The following RPS3 variants were observed in gnomAD, a reference collection of about 807,000 sequenced individuals.
The protein encoded by RPS3 is ribosomal protein S3, also known as small ribosomal subunit protein uS3.
A neutral mutation model predicts 25.8 loss-of-function variants in RPS3; 2 were observed. The observed-to-expected ratio is 0.08, with a 90% CI of 0.03 to 0.24. The LOEUF is 0.24. Ranked by LOEUF, RPS3 falls within the 10% of genes least tolerant of loss-of-function variation. The probability of loss-of-function intolerance (pLI) is 1.00; values close to 1 mark genes in which losing one functional copy is unlikely to be tolerated. For missense variants in RPS3, 107 were observed against 307.1 expected, an observed-to-expected ratio of 0.35 and a Z score of 4.87; for synonymous variants, 114 against 114.2, an observed-to-expected ratio of 1.00 and a Z score of 0.01.
rs781721862 is a variant in RPS3, at chr11:75,401,692, G to A, written c.214G>A (p.Val72Ile). 6.2e-7 allele frequency: 1 copy of A among 1,613,476 alleles called. No homozygotes were observed. The highest frequency in any genetic ancestry group is 2.2e-5 in the East Asian group (1 of 44,888). Residue 72 changes from valine to isoleucine, a missense_variant, in exon 3 of 7, where the codon GTA becomes ATA. Transcript: ENST00000531188. Reference protein sequence around the residue: ...KGRRIRELTAVVQKRFGFPEG... With the variant: ...KGRRIRELTAIVQKRFGFPEG... Reference sequence around the variant, plus strand: ...CCGGCGGATTCGGGAACTGACTGCTGTAGTTCAGAAGAGGTTTGGCTTTCC... The same window carrying A: ...CCGGCGGATTCGGGAACTGACTGCTATAGTTCAGAAGAGGTTTGGCTTTCC...
Position 75,404,884 on chromosome 11 carries a change from C to G in RPS3, c.*3+16C>G, listed in dbSNP as rs773904943. 6.4e-7 allele frequency: 1 copy of G among 1,550,584 alleles called. No individual in the cohort carries two copies. The stretch of plus-strand genomic sequence containing the variant: ...AGCATAACAGGTATGTCTGCAAGGG[C>G]AGGGGCCTCTTGGGGCATAATAGGG... On this transcript the variant is annotated intron_variant, in intron 6 of 6. Transcript: ENST00000531188. This position sits in a 1 kb window ranked among gnomAD's most constrained non-coding sequence, Gnocchi z 4.6.
At chr11:75,419,201 C>G (rs1368337944) in intron 6 of RPS3, among the ~76,000 whole-genome samples, 1 of 152,144 alleles carries the variant, frequency 6.6e-6, no homozygotes, top group Non-Finnish European at 1.5e-5. Context: ...TGATGAAATC[C>G]TTTCTGTAGA....
At chr11:75,400,409 G>A (rs1297837326) in intron 1 of RPS3, 3 of 550,882 alleles carry the variant, frequency 5.4e-6, no homozygotes, top group Non-Finnish European at 3.6e-6. Flanking sequence ...AAGAGATGAT[G>A]ACGAGTCTGA....
chr11:75,416,286 C>A (rs998385430), intron 6 of RPS3, among the ~76,000 whole-genome samples: 9 of 152,138 alleles, frequency 5.9e-5, no homozygotes, highest in African/African-American at 2.2e-4. Flanking sequence ...TACCTAAATT[C>A]ATGATATTGG....
At chr11:75,410,621 G>C (rs1442678086), downstream of RPS3, among the ~76,000 whole-genome samples, 1 of 152,250 alleles carries the variant, frequency 6.6e-6, no homozygotes, top group Admixed American at 6.5e-5. Context: ...TCGGCACTTT[G>C]GGAGGCCAAG....
intron 6 of RPS3, among the ~76,000 whole-genome samples, chr11:75,420,525 T>C (rs1163099950): frequency 6.6e-6 from 1 of 152,168 alleles, no homozygotes. Context: ...GAATCCTGGC[T>C]CTGCTGCCAC....
At chr11:75,408,618 C>T (rs1414843689), downstream of RPS3, among the ~76,000 whole-genome samples, 1 of 152,108 alleles carries the variant, frequency 6.6e-6, no homozygotes, top group Non-Finnish European at 1.5e-5. Context: ...TGCTCTGTCG[C>T]CCAGGCTGGA....
intron 6 of RPS3, chr11:75,405,400 T>G (rs1361777120): frequency 3.1e-6 from 1 of 318,968 alleles, no homozygotes; most frequent in African/African-American, 2.2e-5. Context: ...CTAACAAGCC[T>G]CCTGTGGTCA....
At chr11:75,419,490 G>A (rs1447601678) in intron 6 of RPS3, among the ~76,000 whole-genome samples, 1 of 151,606 alleles carries the variant, frequency 6.6e-6, no homozygotes, top group Admixed American at 6.6e-5. Context: ...AGAGGCGGAG[G>A]TTGCAGTGAG....
downstream of RPS3, among the ~76,000 whole-genome samples, chr11:75,409,732 G>T (rs1592028842): frequency 6.6e-6 from 1 of 151,298 alleles, no homozygotes; most frequent in African/African-American, 2.4e-5. Context: ...TGGCCGGGCA[G>T]AGGGGCTCCT....
chr11:75,414,363 G>A (rs1948380096), intron 6 of RPS3, among the ~76,000 whole-genome samples: 1 of 152,246 alleles, frequency 6.6e-6, no homozygotes, highest in Non-Finnish European at 1.5e-5. Flanking sequence ...TGTAATCCCA[G>A]CACTTTGGGA....
In RPS3 at chr11:75,404,014, T is replaced by C. The variant is rs770919264; in HGVS notation, c.351-6T>C. On this transcript the variant is annotated splice_region_variant and splice_polypyrimidine_tract_variant and intron_variant, in intron 4 of 6. Coordinates refer to ENST00000531188, the MANE Select transcript of RPS3 (RefSeq NM_001005.5). The surrounding 1 kb of genome is among the most constrained non-coding windows in gnomAD (Gnocchi z 4.6). ...AACACAGTGGCTCTCTTCTGTTCTT[T>C]TAAAGGGCCTGCTATGGTGTGCTGC... 2 of 1,611,192 alleles carry C rather than the reference T, an allele frequency of 1.2e-6. No homozygotes were observed. Among genetic ancestry groups the C allele is most frequent in the South Asian group, 1.1e-5 (1 of 90,876 alleles).
At chr11:75,421,425 G>A (rs543083862) in intron 6 of RPS3, among the ~76,000 whole-genome samples, 2 of 152,296 alleles carry the variant, frequency 1.3e-5, no homozygotes, top group South Asian at 2.1e-4. Flanking sequence ...GCCTCACAGC[G>A]ATATGCACAG....
rs1592021598 is a variant in RPS3, at chr11:75,401,933, G to A, written c.255+200G>A. The A allele has an allele frequency of 2.8e-5, 16 of 577,578 alleles. No homozygotes were observed. In the East Asian group the frequency reaches 4.6e-4, roughly 17 times the overall value. 35.8% of individuals were successfully genotyped at this position (577,578 alleles called of 1,614,324 possible). A position where few individuals can be genotyped will look rare whatever the true frequency, so the allele number is the denominator to read the frequency against. On this transcript the variant is annotated intron_variant, in intron 3 of 6. Coordinates refer to ENST00000531188, the MANE Select transcript of RPS3 (RefSeq NM_001005.5). ...GGTTAAAGGATTTTACATTCAACTTGGGTATAGAAATGATGCATATGATGG... is the reference window on the plus strand; with the variant it reads ...GGTTAAAGGATTTTACATTCAACTTAGGTATAGAAATGATGCATATGATGG...
downstream of RPS3, among the ~76,000 whole-genome samples, chr11:75,408,772 C>T (rs1948312314): frequency 6.6e-6 from 1 of 152,130 alleles, no homozygotes; most frequent in South Asian, 2.1e-4. Flanking sequence ...TCTCGAACTC[C>T]TGACCTCAAG....
chr11:75,414,405 A>T (rs909407138), intron 6 of RPS3, among the ~76,000 whole-genome samples: 6 of 152,090 alleles, frequency 3.9e-5, no homozygotes, highest in East Asian at 1.9e-4. Flanking sequence ...AGGTCAGGAG[A>T]TTGAGACCTT....
chr11:75,420,123 T>G (rs2135074041), intron 6 of RPS3, among the ~76,000 whole-genome samples: 1 of 152,314 alleles, frequency 6.6e-6, no homozygotes, highest in Non-Finnish European at 1.5e-5. Context: ...GCTCTCAGGA[T>G]TCATGGCCTG....
At chr11:75,402,220 T>C (rs1334712821) in intron 3 of RPS3, 132 bp from the exon 4 acceptor site, 3 of 1,359,530 alleles carry the variant, frequency 2.2e-6, no homozygotes, top group Non-Finnish European at 3.1e-6. Context: ...AGCCATCTCC[T>C]GGGCAGCATG....
chr11:75,421,360 A>T (rs1948443558), intron 6 of RPS3, among the ~76,000 whole-genome samples: 1 of 152,200 alleles, frequency 6.6e-6, no homozygotes, highest in Non-Finnish European at 1.5e-5. Context: ...TTCCAAAGGC[A>T]ATCTGAGTAC....
Sources: gnomAD v4.1 joint callset for allele counts (sites outside exome capture counted in the v4.1 genomes callset) on GRCh38, gnomAD v4.1.1 for gene constraint, Gnocchi (gnomAD v3.1) non-coding constraint, MANE v1.5 for transcripts, NCBI Gene and HGNC (gene_info 2026-07-23, HGNC 2026-07-21) for gene names.